FSIP2: variants seen among roughly 807,000 people sequenced by gnomAD.
The protein encoded by FSIP2 is fibrous sheath interacting protein 2, also known as fibrous sheath-interacting protein 2.
Under a neutral mutation model 510.5 loss-of-function variants are expected in FSIP2, and 367 were observed. That is an observed-to-expected ratio of 0.72 (90% confidence interval 0.66 to 0.78). FSIP2 has a LOEUF of 0.78. Among genes scored for constraint, FSIP2 ranks in the 30% least tolerant of loss-of-function variants. The pLI, the probability that FSIP2 is intolerant of heterozygous loss-of-function variation, is 0.00. For missense variants in FSIP2, 7,594 were observed against 7,901.7 expected, an observed-to-expected ratio of 0.96 and a Z score of 1.48; for synonymous variants, 2,601 against 2,732.2, an observed-to-expected ratio of 0.95 and a Z score of 1.50.
chr2:185,802,386 G>C lies in FSIP2; in HGVS notation c.13080G>C (p.Gln4360His). The C allele has an allele frequency of 6.5e-7, 1 of 1,532,598 alleles. No homozygotes were observed. The highest frequency in any genetic ancestry group is 8.7e-7 in the Non-Finnish European group (1 of 1,145,036). The allele number at this position is 1,532,598 out of a possible 1,614,324, so 94.9% of individuals were successfully genotyped here. A position where few individuals can be genotyped will look rare whatever the true frequency, so the allele number is the denominator to read the frequency against. The part of the protein sequence containing the change: ...KIHILYDDKE[Q>H]AFFSFNTDIV... ...ACATTCTCTATGATGACAAAGAACA[G>C]GCTTTCTTTTCTTTCAATACAGATA... Residue 4360 changes from glutamine to histidine, a missense_variant, in exon 17 of 23, where the codon CAG becomes CAC. Gln to His is a conservative substitution (Grantham distance 24). Transcript: ENST00000424728.
chr2:185,794,561 A>C lies in FSIP2; in HGVS notation c.7425A>C (p.Ser2475=), dbSNP rs923897053. The part of the protein sequence containing the change: ...LEEIFMRNGE[S]KNKEKGELLI... ...AAATATTTATGAGAAATGGAGAATC[A>C]AAAAACAAAGAAAAAGGTGAACTGC... Residue 2475 remains serine (S), a synonymous_variant, in exon 16 of 23, where the codon TCA becomes TCC. Transcript: ENST00000424728. 2 of 1,531,146 alleles carry C rather than the reference A, an allele frequency of 1.3e-6. No individual in the cohort carries two copies. The highest frequency in any genetic ancestry group is 1.7e-6 in the Non-Finnish European group (2 of 1,144,766). 94.8% of individuals were successfully genotyped at this position (1,531,146 alleles called of 1,614,324 possible). A position where few individuals can be genotyped will look rare whatever the true frequency, so the allele number is the denominator to read the frequency against.
At position 185,821,713 on chromosome 2, in the gene FSIP2, C is replaced by T. The variant is rs550084055; in HGVS notation, c.20427-2721C>T. Among the ~76,000 whole-genome samples the T allele has an allele frequency of 3.3e-5, 5 of 151,668 alleles. No individual in the cohort carries two copies. The South Asian group carries it at 6.3e-4, about 19-fold the overall frequency. ...TTAAGATGGGCAGACTTCTCAAGCC[C>T]GACAATTTGAGACCAGCCTGGGCAA... On this transcript the variant is annotated intron_variant, in intron 19 of 22. Transcript: ENST00000424728.
chr2:185,822,841 T>G (rs2105681466), intron 19 of FSIP2, among the ~76,000 whole-genome samples: 1 of 152,006 alleles, frequency 6.6e-6, no homozygotes, highest in African/African-American at 2.4e-5. Flanking sequence ...AGTGTGATAC[T>G]GATATAAAGA....
In FSIP2 at chr2:185,794,841, G is replaced by A; in HGVS notation, c.7705G>A (p.Glu2569Lys). 1 of 1,531,616 alleles carries A rather than the reference G, an allele frequency of 6.5e-7. No individual in the cohort carries two copies. Among genetic ancestry groups the A allele is most frequent in the Non-Finnish European group, 8.7e-7 (1 of 1,143,830 alleles). The allele number at this position is 1,531,616 out of a possible 1,614,324, so 94.9% of individuals were successfully genotyped here. The change falls in exon 16 of 23, where the codon GAA (glutamate) becomes AAA (lysine). Residue 2569 changes from glutamate (E) to lysine (K), a missense_variant. By Grantham distance (56) the Glu-to-Lys change is moderately conservative. Coordinates refer to ENST00000424728, the MANE Select transcript of FSIP2 (RefSeq NM_173651.4). ...AAATAATAAAAGTAGGACAGAAGTT[G>A]AAATATCTGACCACAATGATTCCTT... Reference protein sequence around the residue: ...YENNKSRTEVEISDHNDSLLM... With the variant: ...YENNKSRTEVKISDHNDSLLM...
At chr2:185,788,109 C>T (rs1296559171) in intron 15 of FSIP2, 1 of 151,862 alleles carries the variant, frequency 6.6e-6, no homozygotes, top group Non-Finnish European at 1.5e-5. Flanking sequence ...ACCACAGGCT[C>T]ACCCTTTCAG....
At chr2:185,739,914 C>T (rs201317881) in intron 2 of FSIP2, among the ~76,000 whole-genome samples, 2 of 151,480 alleles carry the variant, frequency 1.3e-5, no homozygotes, top group East Asian at 3.9e-4. Flanking sequence ...TTCTATTTTA[C>T]ACATAAAGAA....
rs1354502088 is a variant in FSIP2 at position 185,792,157 on chromosome 2, C to G, written c.5021C>G (p.Pro1674Arg). Reference protein sequence around the residue: ...DLKTSVENPPPETQILKYVVK... With the variant: ...DLKTSVENPPRETQILKYVVK... ...AAGACAAGTGTAGAAAACCCACCAC[C>G]TGAGACTCAAATACTTAAGTATGTA... The change falls in exon 16 of 23, where the codon CCT (proline) becomes CGT (arginine). Residue 1674 changes from proline (P) to arginine (R), a missense_variant. Coordinates refer to ENST00000424728, the MANE Select transcript of FSIP2 (RefSeq NM_173651.4). The G allele has an allele frequency of 3.3e-6, 5 of 1,532,938 alleles. No individual in the cohort carries two copies. The African/African-American group carries it at 6.9e-5, about 21-fold the overall frequency. 95.0% of individuals were successfully genotyped at this position (1,532,938 alleles called of 1,614,324 possible).
Position 185,804,810 on chromosome 2 carries a change from T to C in FSIP2, c.15504T>C (p.His5168=), listed in dbSNP as rs1320276560. The C allele has an allele frequency of 2.6e-6, 4 of 1,532,890 alleles. No homozygotes were observed. The highest frequency in any genetic ancestry group is 2.6e-6 in the Non-Finnish European group (3 of 1,144,846). The allele number at this position is 1,532,890 out of a possible 1,614,324, so 95.0% of individuals were successfully genotyped here. Residue 5168 remains histidine (H), a synonymous_variant, in exon 17 of 23, where the codon CAT becomes CAC. Coordinates refer to ENST00000424728, the MANE Select transcript of FSIP2 (RefSeq NM_173651.4). Reference sequence around the variant, plus strand: ...AAATTATAAAAGAAATTTCTGAACATGAGATTCGACTTTCCATGGCAGAGG... The same window carrying C: ...AAATTATAAAAGAAATTTCTGAACACGAGATTCGACTTTCCATGGCAGAGG... ...TDEIIKEISE[H]EIRLSMAEDN...
At chr2:185,774,321 T>G (rs1229875218) in intron 13 of FSIP2, among the ~76,000 whole-genome samples, 2 of 152,172 alleles carry the variant, frequency 1.3e-5, no homozygotes, top group East Asian at 3.8e-4. Context: ...TTTTAAAATC[T>G]TTGTATAATT....
rs140653362 is a variant in FSIP2, at chr2:185,803,918, T to G, written c.14612T>G (p.Leu4871Arg). Reference protein sequence around the residue: ...QSMVDSIYADLSHSNIYQSIT... With the variant: ...QSMVDSIYADRSHSNIYQSIT... ...ATGGTTGATTCCATTTATGCTGATC[T>G]TTCTCATTCAAATATATACCAGTCC... The change falls in exon 17 of 23, where the codon CTT (leucine) becomes CGT (arginine). Residue 4871 changes from leucine (L) to arginine (R), a missense_variant. Leu to Arg is a moderately radical substitution (Grantham distance 102, BLOSUM62 -2). Transcript: ENST00000424728. The G allele has an allele frequency of 8.7e-5, 132 of 1,525,282 alleles. 1 individual carries two copies. In the East Asian group the frequency reaches 2.9e-3, roughly 34 times the overall value. 94.5% of individuals were successfully genotyped at this position (1,525,282 alleles called of 1,614,324 possible).
rs1051161190 is a variant in FSIP2 at position 185,813,736 on chromosome 2, T to C, written c.20019T>C (p.Thr6673=). 10 of 1,612,358 alleles carry C rather than the reference T, an allele frequency of 6.2e-6. No homozygotes were observed. In the East Asian group the frequency reaches 2.2e-4, roughly 36 times the overall value. Residue 6673 remains threonine, a synonymous_variant, in exon 18 of 23, where the codon ACT becomes ACC. Coordinates refer to ENST00000424728, the MANE Select transcript of FSIP2 (RefSeq NM_173651.4). The part of the protein sequence containing the change: ...SDEDEVVLTQ[T]FAKEEGIKVF... ...AAGATGAAGTTGTTTTAACACAGAC[T>C]TTTGCAAAAGAAGAAGGCATCAAAG... is the stretch of plus-strand genomic sequence containing the variant.
chr2:185,764,717 A>G (rs1346533249), intron 13 of FSIP2, 152 bp downstream of exon 13: 3 of 577,664 alleles, frequency 5.2e-6, no homozygotes, highest in Admixed American at 3.0e-5. Context: ...TTCTTACAGT[A>G]TACTTGGAAA....
At chr2:185,764,673 A>G (rs1692427258) in intron 13 of FSIP2, 108 bp downstream of exon 13, 2 of 780,604 alleles carry the variant, frequency 2.6e-6, no homozygotes, top group Non-Finnish European at 4.0e-6. Context: ...AGTTTTAATC[A>G]TTCAAGGAAA....
In FSIP2 at chr2:185,796,165, A is replaced by C; in HGVS notation, c.9029A>C (p.His3010Pro). Residue 3010 changes from histidine to proline, a missense_variant, in exon 16 of 23, where the codon CAT becomes CCT. His to Pro is a moderately conservative substitution (Grantham distance 77). Coordinates refer to ENST00000424728, the MANE Select transcript of FSIP2 (RefSeq NM_173651.4). ...LESFVDLQFK[H>P]ISKYEFSEIV... The stretch of plus-strand genomic sequence containing the variant: ...TCATTTGTGGACTTGCAGTTTAAAC[A>C]TATCTCCAAATATGAGTTTTCTGAA... 6.5e-7 allele frequency: 1 copy of C among 1,533,116 alleles called. No homozygotes were observed. The highest frequency in any genetic ancestry group is 1.2e-5 in the South Asian group (1 of 83,774). The allele number at this position is 1,533,116 out of a possible 1,614,324, so 95.0% of individuals were successfully genotyped here. A position where few individuals can be genotyped will look rare whatever the true frequency, so the allele number is the denominator to read the frequency against.
Position 185,796,637 on chromosome 2 carries a change from C to T in FSIP2, c.9501C>T (p.Phe3167=), listed in dbSNP as rs1693285905. ...AATTAGCAACTAATATGAAAATGTT[C>T]ACATCAAAGTTAAAGGAAGGTAGTT... ...QVELATNMKM[F]TSKLKEGSLG... is the part of the protein sequence containing the mutation. The change falls in exon 16 of 23, where the codon TTC becomes TTT. Residue 3167 remains phenylalanine (F), a synonymous_variant. Coordinates refer to ENST00000424728, the MANE Select transcript of FSIP2 (RefSeq NM_173651.4). 1 of 1,534,888 alleles carries T rather than the reference C, an allele frequency of 6.5e-7. No homozygotes were observed. The highest frequency in any genetic ancestry group is 8.7e-7 in the Non-Finnish European group (1 of 1,146,162).
intron 19 of FSIP2, among the ~76,000 whole-genome samples, chr2:185,820,073 T>C (rs1693886727): frequency 6.6e-6 from 1 of 151,956 alleles, no homozygotes; most frequent in Non-Finnish European, 1.5e-5. Flanking sequence ...GGTTTGGCTA[T>C]GTCCCCACCC....
At chr2:185,739,727 C>G (rs1691883965) in intron 2 of FSIP2, among the ~76,000 whole-genome samples, 1 of 152,042 alleles carries the variant, frequency 6.6e-6, no homozygotes, top group African/African-American at 2.4e-5. Flanking sequence ...TATTAATATT[C>G]CTTATAATAA....
Position 185,794,366 on chromosome 2 carries a change from T to G in FSIP2, c.7230T>G (p.Cys2410Trp). 4 of 1,517,316 alleles carry G rather than the reference T, an allele frequency of 2.6e-6. No homozygotes were observed. Among genetic ancestry groups the G allele is most frequent in the Non-Finnish European group, 3.5e-6 (4 of 1,139,096 alleles). The allele number at this position is 1,517,316 out of a possible 1,614,324, so 94.0% of individuals were successfully genotyped here. A position where few individuals can be genotyped will look rare whatever the true frequency, so the allele number is the denominator to read the frequency against. The change falls in exon 16 of 23, where the codon TGT (cysteine) becomes TGG (tryptophan). Residue 2410 changes from cysteine to tryptophan, a missense_variant. Cys to Trp is a radical substitution (Grantham distance 215). Coordinates refer to ENST00000424728, the MANE Select transcript of FSIP2 (RefSeq NM_173651.4). ...LDDKRSVKEI[C>W]FNSKENSNFS... ...ATAAAAGATCTGTAAAGGAAATTTGTTTTAATTCAAAAGAAAATTCTAACT... is the reference window on the plus strand; with the variant it reads ...ATAAAAGATCTGTAAAGGAAATTTGGTTTAATTCAAAAGAAAATTCTAACT...
intron 13 of FSIP2, among the ~76,000 whole-genome samples, chr2:185,777,757 G>T (rs1282618947): frequency 2.6e-5 from 4 of 151,850 alleles, no homozygotes; most frequent in Non-Finnish European, 5.9e-5. Flanking sequence ...AAATTTACCA[G>T]TAGTTTGTTT....
Sources: allele counts gnomAD v4.1 joint callset (sites outside exome capture counted in the v4.1 genomes callset), GRCh38; gene constraint gnomAD v4.1.1; transcripts MANE v1.5; gene names NCBI Gene and HGNC (gene_info 2026-07-23, HGNC 2026-07-21).